The following RYR3 variants were observed in gnomAD, a reference collection of about 807,000 sequenced individuals.
RYR3 encodes the protein brain ryanodine receptor-calcium release channel.
Under a neutral mutation model 584.3 loss-of-function variants are expected in RYR3, and 207 were observed. The observed-to-expected ratio is 0.35, with a 90% confidence interval of 0.32 to 0.40. The LOEUF (loss-of-function observed/expected upper bound fraction) is 0.40. Ranked by LOEUF, RYR3 falls within the 10% of genes least tolerant of loss-of-function variation. The probability of loss-of-function intolerance (pLI) is 1.00; values close to 1 mark genes in which losing one functional copy is unlikely to be tolerated. For synonymous variants in RYR3, 2,416 were observed against 2,248.5 expected (o/e 1.07, Z -2.11); for missense variants, 5,616 against 6,089.2 (o/e 0.92, Z 2.59).
At position 33,764,862 on chromosome 15, in the gene RYR3, C is replaced by T. The variant is rs1430839266; in HGVS notation, c.8706-3796C>T. On this transcript the variant is annotated intron_variant, in intron 60 of 103. Coordinates refer to ENST00000634891, the MANE Select transcript of RYR3 (RefSeq NM_001036.6). ...CCTGACTAACATGGTGAAACCCCAT[C>T]TCTACTAAAAATGCAAAAATTAGCT... Among the ~76,000 whole-genome samples the T allele has an allele frequency of 2.6e-5, 4 of 152,082 alleles. No homozygotes were observed. The East Asian group carries it at 7.7e-4, about 29-fold the overall frequency.
intron 14 of RYR3, among the ~76,000 whole-genome samples, chr15:33,582,533 C>T (rs2058646889): frequency 6.6e-6 from 1 of 152,140 alleles, no homozygotes; most frequent in African/African-American, 2.4e-5. Flanking sequence ...ACAATAATAC[C>T]TAACAATTAT....
intron 12 of RYR3, among the ~76,000 whole-genome samples, chr15:33,579,261 G>A (rs955435005): frequency 1.3e-5 from 2 of 152,118 alleles, no homozygotes; most frequent in Non-Finnish European, 2.9e-5. Context: ...GATACAGAAA[G>A]TAAAGGAACC....
chr15:33,322,022 C>A (rs960194265), intron 1 of RYR3, among the ~76,000 whole-genome samples: 1 of 152,160 alleles, frequency 6.6e-6, no homozygotes, highest in African/African-American at 2.4e-5. Flanking sequence ...TTCTCCCCAA[C>A]GTTTAACTAT....
rs371057517 is a variant in RYR3 at position 33,837,860 on chromosome 15, C to G, written c.11880C>G (p.Asp3960Glu). 1 of 1,614,020 alleles carries G rather than the reference C, an allele frequency of 6.2e-7. No individual in the cohort carries two copies. The highest frequency in any genetic ancestry group is 2.2e-5 in the East Asian group (1 of 44,882). The change falls in exon 89 of 104, where the codon GAC becomes GAG. Residue 3960 changes from aspartate (D) to glutamate (E), a missense_variant. Asp to Glu is a conservative substitution (Grantham distance 45). Transcript: ENST00000634891. ...AACAGTACACGCAGTCAGAGATTGACTTTCTCCTGTCGTGTGCAGAAGCTG... is the reference window on the plus strand; with the variant it reads ...AACAGTACACGCAGTCAGAGATTGAGTTTCTCCTGTCGTGTGCAGAAGCTG... Reference protein sequence around the residue: ...GQKQYTQSEIDFLLSCAEADE... With the variant: ...GQKQYTQSEIEFLLSCAEADE...
intron 97 of RYR3, 30 bp downstream of exon 97, chr15:33,854,479 C>G (rs764181092): frequency 5.3e-5 from 81 of 1,527,074 alleles, no homozygotes; most frequent in Non-Finnish European, 7.0e-5. Context: ...AAACAAAATT[C>G]TATACCCCAG....
intron 2 of RYR3, among the ~76,000 whole-genome samples, chr15:33,498,273 A>C (rs1032862434): frequency 6.6e-6 from 1 of 152,186 alleles, no homozygotes; most frequent in Non-Finnish European, 1.5e-5. Context: ...ACTGTTTTGC[A>C]TAATAGCTAT....
intron 65 of RYR3, among the ~76,000 whole-genome samples, chr15:33,783,564 C>A (rs1402856681): frequency 2.0e-5 from 3 of 152,090 alleles, no homozygotes; most frequent in African/African-American, 7.2e-5. Flanking sequence ...TCTTAGGCAG[C>A]GGGCAAAAAG....
Position 33,854,870 on chromosome 15 carries a change from A to G in RYR3, c.13965A>G (p.Thr4655=). 6.2e-7 allele frequency: 1 copy of G among 1,613,296 alleles called. No homozygotes were observed. The highest frequency in any genetic ancestry group is 8.5e-7 in the Non-Finnish European group (1 of 1,179,720). ...TGGACATCGCAATGGGCTTCAAGAC[A>G]CTGAGGACCATTCTGTCATCTGTAA... ...HLLDIAMGFK[T]LRTILSSVTH... Residue 4655 remains threonine, a synonymous_variant, in exon 98 of 104, where the codon ACA becomes ACG. Transcript: ENST00000634891.
At position 33,696,376 on chromosome 15, in the gene RYR3, A is replaced by C; in HGVS notation, c.6019A>C (p.Ser2007Arg). 1 of 1,613,932 alleles carries C rather than the reference A, an allele frequency of 6.2e-7. No homozygotes were observed. Among genetic ancestry groups the C allele is most frequent in the Non-Finnish European group, 8.5e-7 (1 of 1,179,890 alleles). Reference protein sequence around the residue: ...LQALRKTYTISHTSVSDTINL... With the variant: ...LQALRKTYTIRHTSVSDTINL... ...GGCGCTGCGGAAGACCTACACCATC[A>C]GCCACACCTCTGTAAGCGACACCAT... Residue 2007 changes from serine (S) to arginine (R), a missense_variant, in exon 39 of 104, where the codon AGC (serine) becomes CGC (arginine). Transcript: ENST00000634891.
chr15:33,369,462 G>A (rs1976002329), intron 1 of RYR3, among the ~76,000 whole-genome samples: 2 of 152,164 alleles, frequency 1.3e-5, no homozygotes, highest in South Asian at 4.2e-4. Context: ...CCTCCATGAA[G>A]GCTACCCTTC....
chr15:33,548,617 G>A (rs1449163287), intron 9 of RYR3, among the ~76,000 whole-genome samples: 1 of 152,174 alleles, frequency 6.6e-6, no homozygotes, highest in Non-Finnish European at 1.5e-5. Flanking sequence ...GATTGCATAA[G>A]ATAAGGAAGA....
At chr15:33,754,582 A>G (rs2071629992) in intron 57 of RYR3, among the ~76,000 whole-genome samples, 1 of 152,120 alleles carries the variant, frequency 6.6e-6, no homozygotes, top group Non-Finnish European at 1.5e-5. Context: ...TGACTACCCT[A>G]TTTAACACTA....
intron 46 of RYR3, among the ~76,000 whole-genome samples, chr15:33,728,649 C>A (rs1472842714): frequency 6.6e-6 from 1 of 152,176 alleles, no homozygotes; most frequent in Non-Finnish European, 1.5e-5. Context: ...TGAGCATTTC[C>A]ATTGAGCATC....
intron 69 of RYR3, among the ~76,000 whole-genome samples, chr15:33,805,872 A>G (rs188723142): frequency 1.3e-5 from 2 of 151,896 alleles, no homozygotes; most frequent in Admixed American, 6.6e-5. Flanking sequence ...AAATGTGCAC[A>G]CGGGAACGCA....
chr15:33,694,704 C>T (rs2065712298), intron 38 of RYR3, among the ~76,000 whole-genome samples: 1 of 152,196 alleles, frequency 6.6e-6, no homozygotes, highest in African/African-American at 2.4e-5. Flanking sequence ...GACTTTGCCC[C>T]TAGAGGATAC....
chr15:33,839,267 C>A (rs2078219616), intron 89 of RYR3, among the ~76,000 whole-genome samples: 1 of 152,174 alleles, frequency 6.6e-6, no homozygotes, highest in Non-Finnish European at 1.5e-5. Context: ...TGTGCAGATG[C>A]ATTCAGTGAA....
chr15:33,795,507 G>A (rs143148712), intron 67 of RYR3, among the ~76,000 whole-genome samples: 1 of 147,294 alleles, frequency 6.8e-6, no homozygotes, highest in Non-Finnish European at 1.5e-5. Context: ...CGATTCTCCT[G>A]CCTCAGCCTC....
chr15:33,337,809 T>G (rs1360307900), intron 1 of RYR3, among the ~76,000 whole-genome samples: 1 of 152,140 alleles, frequency 6.6e-6, no homozygotes, highest in African/African-American at 2.4e-5. Context: ...TGTTCAAGTA[T>G]GTTCATAGTA....
chr15:33,601,336 C>T, intron 16 of RYR3, 83 bp from the exon 17 acceptor site: 1 of 1,325,852 alleles, frequency 7.5e-7, no homozygotes, highest in Non-Finnish European at 1.1e-6. Flanking sequence ...CCTTTATGGA[C>T]TCCTTCCCTC....
Sources: gnomAD v4.1 joint callset for allele counts (sites outside exome capture counted in the v4.1 genomes callset) on GRCh38, gnomAD v4.1.1 for gene constraint, MANE v1.5 for transcripts, NCBI Gene and HGNC (gene_info 2026-07-23, HGNC 2026-07-21) for gene names.